The following EPHA3 variants were observed in gnomAD, a reference collection of about 807,000 sequenced individuals.
EPHA3 encodes EPH receptor A3, also known as ephrin type-A receptor 3.
In EPHA3, 42 loss-of-function variants were observed where a neutral mutation model predicts 107.1. The observed-to-expected ratio is 0.39, with a 90% CI of 0.31 to 0.51. The LOEUF is 0.51. Among genes scored for constraint, EPHA3 ranks in the 20% least tolerant of loss-of-function variants. The pLI, the probability that EPHA3 is intolerant of heterozygous loss-of-function variation, is 0.78. For synonymous variants in EPHA3, 461 were observed against 424.8 expected, an observed-to-expected ratio of 1.09 and a Z score of -1.05; for missense variants, 1,183 against 1,211.2, an observed-to-expected ratio of 0.98 and a Z score of 0.35.
At chr3:89,336,677 C>T (rs994702384) in intron 3 of EPHA3, among the ~76,000 whole-genome samples, 2 of 152,088 alleles carry the variant, frequency 1.3e-5, no homozygotes, top group Non-Finnish European at 2.9e-5. Context: ...TCGTCCTACT[C>T]GTGAAATTGA....
rs2107504069 is a variant in EPHA3, at chr3:89,395,908, C to T, written c.1378C>T (p.Pro460Ser). 1.2e-6 allele frequency: 2 copies of T among 1,614,042 alleles called. No homozygotes were observed. The highest frequency in any genetic ancestry group is 1.1e-5 in the South Asian group (1 of 91,050). Residue 460 changes from proline to serine, a missense_variant, in exon 6 of 17, where the codon CCT becomes TCT. Pro to Ser is a moderately conservative substitution (Grantham distance 74, BLOSUM62 -1). Coordinates refer to ENST00000336596, the MANE Select transcript of EPHA3 (RefSeq NM_005233.6). The stretch of plus-strand genomic sequence containing the variant: ...TAGCATCTCTTTGTCCTGGCAAGAA[C>T]CTGAACATCCTAATGGGATCATATT... ...RNSISLSWQE[P>S]EHPNGIILDY...
intron 3 of EPHA3, among the ~76,000 whole-genome samples, chr3:89,302,763 T>G (rs74439831): frequency 0.068 from 10,398 of 152,294 alleles, 471 homozygotes; most frequent in Middle Eastern, 0.14. Flanking sequence ...ATTGTTATTT[T>G]ATGTCTCAAG....
At position 89,399,359 on chromosome 3, in the gene EPHA3, C is replaced by A. The variant is rs761304400; in HGVS notation, c.1473C>A (p.Gly491=). The A allele has an allele frequency of 1.2e-6, 2 of 1,613,636 alleles. No individual in the cohort carries two copies. Among genetic ancestry groups the A allele is most frequent in the South Asian group, 1.1e-5 (1 of 91,030 alleles). The change falls in exon 7 of 17, where the codon GGC becomes GGA. Residue 491 remains glycine, a synonymous_variant. Coordinates refer to ENST00000336596, the MANE Select transcript of EPHA3 (RefSeq NM_005233.6). ...ETSYTILRAR[G]TNVTISSLKP... ...GTTATACCATTCTGAGGGCAAGAGG[C>A]ACAAATGTTACCATCAGTAGCCTCA... is the stretch of plus-strand genomic sequence containing the variant.
intron 5 of EPHA3, among the ~76,000 whole-genome samples, chr3:89,385,350 G>T (rs983645306): frequency 2.4e-4 from 37 of 152,282 alleles, no homozygotes; most frequent in African/African-American, 8.7e-4. Context: ...CATGTTATGG[G>T]ACGGACCCAG....
chr3:89,287,338 T>C (rs1327520769), intron 3 of EPHA3, among the ~76,000 whole-genome samples: 1 of 152,108 alleles, frequency 6.6e-6, no homozygotes, highest in African/African-American at 2.4e-5. Context: ...TGAAGAATGG[T>C]CAGAGAATTG....
chr3:89,282,612 C>A (rs1190361795), intron 3 of EPHA3, among the ~76,000 whole-genome samples: 2 of 151,778 alleles, frequency 1.3e-5, no homozygotes, highest in South Asian at 4.1e-4. Flanking sequence ...GATTGCATAC[C>A]ATGTTTTCCC....
chr3:89,423,976 A>G (rs1427133279), intron 11 of EPHA3, among the ~76,000 whole-genome samples: 1 of 151,462 alleles, frequency 6.6e-6, no homozygotes, highest in Non-Finnish European at 1.5e-5. Flanking sequence ...ATGAAGCACT[A>G]GTTTAGTAGC....
intron 5 of EPHA3, among the ~76,000 whole-genome samples, chr3:89,383,750 G>C (rs1432436405): frequency 1.4e-5 from 2 of 144,720 alleles, no homozygotes; most frequent in Non-Finnish European, 3.0e-5. Flanking sequence ...CCGGGTTCAC[G>C]TCATTCTCCT....
intron 3 of EPHA3, among the ~76,000 whole-genome samples, chr3:89,235,618 G>GA (rs998326848): frequency 2.5e-4 from 38 of 150,872 alleles, no homozygotes; most frequent in Admixed American, 1.7e-3. Flanking sequence ...GATAAATTTA[G>GA]AAAAAAAAGA....
At chr3:89,383,652 T>A (rs1576348913) in intron 5 of EPHA3, among the ~76,000 whole-genome samples, 1 of 138,142 alleles carries the variant, frequency 7.2e-6, no homozygotes, top group East Asian at 2.1e-4. Flanking sequence ...TTTTTTTTTT[T>A]TTTTTTTTTT....
intron 2 of EPHA3, among the ~76,000 whole-genome samples, chr3:89,195,604 CT>C (rs1705820380): frequency 6.6e-6 from 1 of 152,104 alleles, no homozygotes; most frequent in Non-Finnish European, 1.5e-5. Flanking sequence ...TTGTCAAGTC[CT>C]TGTCCTACTC....
intron 16 of EPHA3, among the ~76,000 whole-genome samples, chr3:89,477,914 G>A (rs1710549232): frequency 6.6e-6 from 1 of 151,798 alleles, no homozygotes; most frequent in African/African-American, 2.4e-5. Context: ...CAGAAAGAAA[G>A]TCAATATGTC....
intron 3 of EPHA3, among the ~76,000 whole-genome samples, chr3:89,263,309 T>A (rs1406573128): frequency 6.6e-6 from 1 of 152,136 alleles, no homozygotes; most frequent in Non-Finnish European, 1.5e-5. Flanking sequence ...ATGGCTTAAG[T>A]GTTAACAGCT....
At chr3:89,460,873 T>C (rs1332624607) in intron 15 of EPHA3, among the ~76,000 whole-genome samples, 1 of 132,196 alleles carries the variant, frequency 7.6e-6, no homozygotes, top group Non-Finnish European at 1.6e-5. Flanking sequence ...ATGTGCACAT[T>C]GTGCAGGTTA....
At chr3:89,306,612 A>C (rs1706628225) in intron 3 of EPHA3, among the ~76,000 whole-genome samples, 1 of 152,172 alleles carries the variant, frequency 6.6e-6, no homozygotes, top group South Asian at 2.1e-4. Flanking sequence ...TGGCAGTAAA[A>C]TTAATGATAG....
chr3:89,168,929 C>T lies in EPHA3; in HGVS notation c.154-40931C>T, dbSNP rs192638673. 3.3e-5 allele frequency among the ~76,000 whole-genome samples: 5 copies of T among 151,808 alleles called. No individual in the cohort carries two copies. In the East Asian group the frequency reaches 9.6e-4, roughly 29 times the overall value. ...AGAAAAGTCTCAGAGAGATGTTTTT[C>T]CAATTCATTGTACATAAATTATATA... is the stretch of plus-strand genomic sequence containing the variant. On this transcript the variant is annotated intron_variant, in intron 2 of 16. Coordinates refer to ENST00000336596, the MANE Select transcript of EPHA3 (RefSeq NM_005233.6).
At chr3:89,180,006 G>T (rs955184757) in intron 2 of EPHA3, among the ~76,000 whole-genome samples, 1 of 151,834 alleles carries the variant, frequency 6.6e-6, no homozygotes, top group Non-Finnish European at 1.5e-5. Flanking sequence ...CTCAAGTGCA[G>T]TTCGTATATT....
At chr3:89,142,516 C>G (rs767865369) in intron 2 of EPHA3, among the ~76,000 whole-genome samples, 3 of 151,344 alleles carry the variant, frequency 2.0e-5, no homozygotes, top group Non-Finnish European at 4.4e-5. Flanking sequence ...GATTTCATCC[C>G]AAAATGTTTA....
At chr3:89,349,669 C>T (rs1707758899) in intron 5 of EPHA3, among the ~76,000 whole-genome samples, 1 of 140,928 alleles carries the variant, frequency 7.1e-6, no homozygotes, top group African/African-American at 2.7e-5. Context: ...ATGATGTTAG[C>T]TGGTGATTTT....
Sources: allele counts gnomAD v4.1 joint callset (sites outside exome capture counted in the v4.1 genomes callset), GRCh38; gene constraint gnomAD v4.1.1; transcripts MANE v1.5; gene names NCBI Gene and HGNC (gene_info 2026-07-23, HGNC 2026-07-21).